The following MYRIP variants were observed in gnomAD, a reference collection of about 807,000 sequenced individuals.
The protein encoded by MYRIP is myosin VIIA and Rab interacting protein.
A neutral mutation model predicts 98.0 loss-of-function variants in MYRIP; 49 were observed. That is an observed-to-expected ratio of 0.50 (90% CI 0.40 to 0.63). The LOEUF is 0.63. Ranked by LOEUF, MYRIP falls within the 30% of genes least tolerant of loss-of-function variation. The probability of loss-of-function intolerance (pLI) is 0.00; values close to 1 mark genes in which losing one functional copy is unlikely to be tolerated. For synonymous variants in MYRIP, 404 were observed against 409.5 expected (o/e 0.99, Z 0.16); for missense variants, 1,004 against 1,058.2 (o/e 0.95, Z 0.71).
At chr3:39,841,625 C>A (rs72866601) in intron 1 of MYRIP, among the ~76,000 whole-genome samples, 2 of 152,124 alleles carry the variant, frequency 1.3e-5, no homozygotes, top group Non-Finnish European at 1.5e-5. Flanking sequence ...TGGTGACCTT[C>A]GGATGGGGTT....
At chr3:39,941,219 T>C (rs1347264100) in intron 2 of MYRIP, among the ~76,000 whole-genome samples, 1 of 152,126 alleles carries the variant, frequency 6.6e-6, no homozygotes, top group African/African-American at 2.4e-5. Context: ...CAGCTTCTGG[T>C]AACACCTCAG....
At chr3:39,832,746 G>T (rs1024752862) in intron 1 of MYRIP, among the ~76,000 whole-genome samples, 1 of 152,140 alleles carries the variant, frequency 6.6e-6, no homozygotes, top group Non-Finnish European at 1.5e-5. Flanking sequence ...TAGGAATGTT[G>T]TCCTCTATGC....
intron 11 of MYRIP, among the ~76,000 whole-genome samples, chr3:40,220,903 C>G (rs13322142): frequency 0.053 from 8,049 of 151,976 alleles, 688 homozygotes; most frequent in African/African-American, 0.18. Flanking sequence ...AATCTGCCCC[C>G]ACGATCCAAT....
At chr3:39,992,422 T>G (rs1300695631) in intron 2 of MYRIP, among the ~76,000 whole-genome samples, 2 of 152,220 alleles carry the variant, frequency 1.3e-5, no homozygotes, top group Admixed American at 1.3e-4. Flanking sequence ...CTCCAAAGTC[T>G]GCCTCTCCCC....
At chr3:39,999,125 C>T (rs1021832822) in intron 2 of MYRIP, among the ~76,000 whole-genome samples, 10 of 152,156 alleles carry the variant, frequency 6.6e-5, no homozygotes, top group African/African-American at 2.4e-4. Flanking sequence ...TGGGCAAGGA[C>T]TTCATGTCTA....
chr3:39,808,997 T>A (rs556630734), upstream of MYRIP: 1 of 152,316 alleles, frequency 6.6e-6, no homozygotes, highest in East Asian at 1.9e-4. Flanking sequence ...CCCTTTGATG[T>A]GTGTTGAATG....
At chr3:39,819,959 CTG>C (rs1178516474) in intron 1 of MYRIP, among the ~76,000 whole-genome samples, 1 of 152,172 alleles carries the variant, frequency 6.6e-6, no homozygotes, top group East Asian at 1.9e-4. Context: ...AGAAAAAACA[CTG>C]TAAGGAATTC....
At chr3:40,030,214 A>G (rs1947227924) in intron 2 of MYRIP, among the ~76,000 whole-genome samples, 1 of 152,158 alleles carries the variant, frequency 6.6e-6, no homozygotes, top group South Asian at 2.1e-4. Flanking sequence ...AAGGAGATGT[A>G]CAAATGGCCA....
In MYRIP at chr3:39,988,553, C is replaced by T. The variant is rs191227225; in HGVS notation, c.111-55497C>T. 1.5e-4 allele frequency among the ~76,000 whole-genome samples: 23 copies of T among 152,122 alleles called. 1 individual carries two copies. The highest frequency in any genetic ancestry group is 3.9e-4 in the Admixed American group (6 of 15,258). ...CTGTATTTCCTGAATTTGAATGTTGCCCTGTCTTGCTAGGTTGGGGAAGTT... is the reference window on the plus strand; with the variant it reads ...CTGTATTTCCTGAATTTGAATGTTGTCCTGTCTTGCTAGGTTGGGGAAGTT... On this transcript the variant is annotated intron_variant, in intron 2 of 16. Coordinates refer to ENST00000302541, the MANE Select transcript of MYRIP (RefSeq NM_015460.4).
At chr3:40,018,664 T>G (rs1186268321) in intron 2 of MYRIP, among the ~76,000 whole-genome samples, 2 of 152,160 alleles carry the variant, frequency 1.3e-5, no homozygotes, top group African/African-American at 4.8e-5. Context: ...GTCCAGACTT[T>G]GCCAGCATTG....
intron 3 of MYRIP, among the ~76,000 whole-genome samples, chr3:40,149,022 T>G (rs765044705): frequency 2.0e-5 from 3 of 152,188 alleles, no homozygotes; most frequent in Non-Finnish European, 2.9e-5. Flanking sequence ...TGGGCAGGCA[T>G]GTAGGGACTC....
At chr3:39,956,919 G>GA (rs1260141162) in intron 2 of MYRIP, among the ~76,000 whole-genome samples, 1 of 151,790 alleles carries the variant, frequency 6.6e-6, no homozygotes, top group Non-Finnish European at 1.5e-5. Flanking sequence ...AAATAAACTA[G>GA]AAAATCTAGA....
At chr3:40,258,087 A>G (rs1465802582) in intron 16 of MYRIP, 47 bp from the exon 17 acceptor site, 4 of 1,605,672 alleles carry the variant, frequency 2.5e-6, no homozygotes, top group Non-Finnish European at 3.4e-6. Flanking sequence ...GCTTCTTCTC[A>G]CTCTTCCCAA....
At chr3:40,233,010 T>G (rs1162425676) in intron 11 of MYRIP, 1 of 152,236 alleles carries the variant, frequency 6.6e-6, no homozygotes, top group African/African-American at 2.4e-5. Flanking sequence ...CCCATCTCAC[T>G]TGGAGGTTTG....
chr3:40,082,247 C>G (rs908246365), intron 3 of MYRIP, among the ~76,000 whole-genome samples: 6 of 152,170 alleles, frequency 3.9e-5, no homozygotes, highest in Non-Finnish European at 8.8e-5. Context: ...ACTTCTGGAT[C>G]TATGTCCAAG....
chr3:40,133,126 G>C (rs1425263747), intron 3 of MYRIP, among the ~76,000 whole-genome samples: 1 of 152,228 alleles, frequency 6.6e-6, no homozygotes, highest in Admixed American at 6.5e-5. Context: ...GGAACTGAAG[G>C]AAGAACACAA....
intron 13 of MYRIP, among the ~76,000 whole-genome samples, chr3:40,249,804 G>A (rs983978697): frequency 2.6e-5 from 4 of 152,130 alleles, no homozygotes; most frequent in Non-Finnish European, 5.9e-5. Context: ...CTGGTGCTGT[G>A]GTTTTGGATT....
chr3:39,955,150 A>T (rs1409635833), intron 2 of MYRIP, among the ~76,000 whole-genome samples: 1 of 152,226 alleles, frequency 6.6e-6, no homozygotes, highest in Non-Finnish European at 1.5e-5. Context: ...ACAGGCCAAC[A>T]TTCAAATTCA....
chr3:39,976,626 C>T (rs1175491476), intron 2 of MYRIP, among the ~76,000 whole-genome samples: 1 of 152,150 alleles, frequency 6.6e-6, no homozygotes, highest in African/African-American at 2.4e-5. Flanking sequence ...TTCACAATAG[C>T]AAAGACTTGG....
Sources: gnomAD v4.1 joint callset for allele counts (sites outside exome capture counted in the v4.1 genomes callset) on GRCh38, gnomAD v4.1.1 for gene constraint, MANE v1.5 for transcripts, NCBI Gene and HGNC (gene_info 2026-07-23, HGNC 2026-07-21) for gene names.